The following PLAGL1 variants were observed in gnomAD, a reference collection of about 807,000 sequenced individuals.
PLAGL1 encodes zinc finger protein PLAGL1.
PLAGL1 carries 1 observed loss-of-function variant against 4.6 expected under a neutral mutation model. The observed-to-expected ratio is 0.22, with a 90% CI of 0.08 to 1.03. PLAGL1 has a LOEUF of 1.03. Ranked by LOEUF, PLAGL1 falls within the 50% of genes least tolerant of loss-of-function variation. The probability of loss-of-function intolerance (pLI) is 0.58; values close to 1 mark genes in which losing one functional copy is unlikely to be tolerated. For missense variants in PLAGL1, 464 were observed against 570.4 expected, an observed-to-expected ratio of 0.81 and a Z score of 1.90; for synonymous variants, 240 against 237.8, an observed-to-expected ratio of 1.01 and a Z score of -0.08.
intron 1 of PLAGL1, among the ~76,000 whole-genome samples, chr6:144,017,992 A>G (rs950575938): frequency 6.6e-6 from 1 of 152,166 alleles, no homozygotes; most frequent in Non-Finnish European, 1.5e-5. Flanking sequence ...CACTGTCCAG[A>G]TCTTGACATC....
rs1204087815 is a variant in PLAGL1 at position 144,055,778 on chromosome 6, A to T, written c.-151+8690T>A. On this transcript the variant is annotated intron_variant, in intron 1 of 3. Coordinates refer to the PLAGL1 transcript ENST00000437412. This position sits in a 1 kb window ranked among gnomAD's most constrained non-coding sequence, Gnocchi z 5.0. The stretch of plus-strand genomic sequence containing the variant: ...AGTGAAAGCTACATTTACATTATTA[A>T]CGATAACAAGTCCTGGAAGAAAGAA... Among the ~76,000 whole-genome samples, 2 of 152,172 alleles carry T rather than the reference A, an allele frequency of 1.3e-5. No homozygotes were observed. Among genetic ancestry groups the T allele is most frequent in the African/African-American group, 4.8e-5 (2 of 41,450 alleles).
chr6:143,944,851 T>C (rs1393700180), intron 7 of PLAGL1, among the ~76,000 whole-genome samples: 2 of 151,682 alleles, frequency 1.3e-5, no homozygotes, highest in East Asian at 1.9e-4. Flanking sequence ...AGTTTGTGCC[T>C]CTCTCTTTTC....
At chr6:144,049,512 G>C (rs1474280439) in intron 1 of PLAGL1, among the ~76,000 whole-genome samples, 1 of 152,186 alleles carries the variant, frequency 6.6e-6, no homozygotes, top group Admixed American at 6.5e-5. Flanking sequence ...TTACAATCAT[G>C]GTGGAAAGCA....
In PLAGL1 at chr6:143,966,043, G is replaced by C. The variant is rs986263565; in HGVS notation, c.-431+115C>G. ...TGTAGAGAGATATTTCCGCATGCTA[G>C]AGGCAGATCCATATTGGTTCCCCAG... On this transcript the variant is annotated intron_variant, in intron 4 of 7. Coordinates refer to ENST00000674357, the MANE Select transcript of PLAGL1 (RefSeq NM_001317162.2). The surrounding 1 kb of genome is among the most constrained non-coding windows in gnomAD (Gnocchi z 6.0). 1 of 152,198 alleles carries C rather than the reference G, an allele frequency of 6.6e-6. No homozygotes were observed. The highest frequency in any genetic ancestry group is 1.5e-5 in the Non-Finnish European group (1 of 68,052). The allele number at this position is 152,198 out of a possible 1,614,324, so 9.4% of individuals were successfully genotyped here. A position where few individuals can be genotyped will look rare whatever the true frequency, so the allele number is the denominator to read the frequency against.
At chr6:144,060,849 C>A (rs1799333708) in intron 1 of PLAGL1, among the ~76,000 whole-genome samples, 1 of 152,320 alleles carries the variant, frequency 6.6e-6, no homozygotes, top group Non-Finnish European at 1.5e-5. Flanking sequence ...TTATTTCTGA[C>A]ACCAGAACTA....
intron 1 of PLAGL1, among the ~76,000 whole-genome samples, chr6:144,041,287 CTCA>C (rs1309782593): frequency 6.6e-6 from 1 of 152,050 alleles, no homozygotes; most frequent in Non-Finnish European, 1.5e-5. Flanking sequence ...CACCTATTAA[CTCA>C]TCATTTACAT....
In PLAGL1 at chr6:144,061,141, A is replaced by C. The variant is rs892359448; in HGVS notation, c.-151+3327T>G. ...AGTAGAAGAGTTGTAACAGACATGC[A>C]TGATTACAGCCTTTGTTCCTTTTCA... On this transcript the variant is annotated intron_variant, in intron 1 of 3. Coordinates refer to the PLAGL1 transcript ENST00000437412. This position sits in a 1 kb window ranked among gnomAD's most constrained non-coding sequence, Gnocchi z 4.4. Among the ~76,000 whole-genome samples, 1 of 152,268 alleles carries C rather than the reference A, an allele frequency of 6.6e-6. No individual in the cohort carries two copies. The highest frequency in any genetic ancestry group is 1.5e-5 in the Non-Finnish European group (1 of 68,046).
Position 143,940,543 on chromosome 6 carries a change from CTTA to C in PLAGL1, c.*878_*880del, listed in dbSNP as rs1231360110. ...GGTGATTACAAACAATACTTAAGAA[CTTA>C]AGCAGCTTGAGTAGTAGTTTAAGCT... is the stretch of plus-strand genomic sequence containing the variant. On this transcript the variant is annotated 3_prime_UTR_variant, in exon 8 of 8. Transcript: ENST00000674357. The C allele has an allele frequency of 6.6e-6, 1 of 152,242 alleles. No homozygotes were observed. Among genetic ancestry groups the C allele is most frequent in the Non-Finnish European group, 1.5e-5 (1 of 67,996 alleles). The allele number at this position is 152,242 out of a possible 1,614,324, so 9.4% of individuals were successfully genotyped here. A position where few individuals can be genotyped will look rare whatever the true frequency, so the allele number is the denominator to read the frequency against.
At chr6:144,030,871 ATCAAATGGTAGATCTACTTTTAGT>A (rs777298336) in intron 1 of PLAGL1, among the ~76,000 whole-genome samples, 65 of 152,344 alleles carry the variant, frequency 4.3e-4, no homozygotes, top group Non-Finnish European at 8.2e-4. Flanking sequence ...GGAATTGCGG[ATCAAATGGTAGATCTACTTTTAGT>A]TCAAATGGTA....
At position 143,982,220 on chromosome 6, in the gene PLAGL1, G is replaced by A. The variant is rs1323047117; in HGVS notation, c.-544+2915C>T. On this transcript the variant is annotated intron_variant, in intron 2 of 7. Coordinates refer to ENST00000674357, the MANE Select transcript of PLAGL1 (RefSeq NM_001317162.2). This position sits in a 1 kb window ranked among gnomAD's most constrained non-coding sequence, Gnocchi z 5.3. The stretch of plus-strand genomic sequence containing the variant: ...TAAGAGATTTAGCAGTGAAAACAGT[G>A]TCAATTTAAAACAGGCTGGTCAGGG... Among the ~76,000 whole-genome samples the A allele has an allele frequency of 6.6e-6, 1 of 152,156 alleles. No individual in the cohort carries two copies. The highest frequency in any genetic ancestry group is 1.5e-5 in the Non-Finnish European group (1 of 68,020).
At position 144,016,515 on chromosome 6, in the gene PLAGL1, T is replaced by A. The variant is rs187530993; in HGVS notation, c.-150-47537A>T. The stretch of plus-strand genomic sequence containing the variant: ...TCAAGGTGACAGTCAGTATTAACCA[T>A]CATAATATGTAAACGACACATGGTC... On this transcript the variant is annotated intron_variant, in intron 1 of 3. Coordinates refer to the PLAGL1 transcript ENST00000437412. The surrounding 1 kb of genome is among the most constrained non-coding windows in gnomAD (Gnocchi z 4.2). Among the ~76,000 whole-genome samples, 13 of 152,308 alleles carry A rather than the reference T, an allele frequency of 8.5e-5. No individual in the cohort carries two copies. The highest frequency in any genetic ancestry group is 7.8e-4 in the Admixed American group (12 of 15,290).
At position 143,948,049 on chromosome 6, in the gene PLAGL1, G is replaced by A. The variant is rs780760124; in HGVS notation, c.88C>T (p.Arg30Trp). 12 of 1,613,430 alleles carry A rather than the reference G, an allele frequency of 7.4e-6. No individual in the cohort carries two copies. The Admixed American group carries it at 8.3e-5, about 11-fold the overall frequency. ...TCAGGCTGCACACACTTGTACGGCCGCTCCCTGGAGTGGGAATAATTGTGA... is the reference window on the plus strand; with the variant it reads ...TCAGGCTGCACACACTTGTACGGCCACTCCCTGGAGTGGGAATAATTGTGA... ...TIHNYSHSRE[R>W]PYKCVQPDCG... The change falls in exon 7 of 8, where the codon CGG (arginine) becomes TGG (tryptophan). Residue 30 changes from arginine (R) to tryptophan (W), a missense_variant. Physicochemically the swap from Arg to Trp is moderately radical, Grantham distance 101. Around this residue, in one of 4 missense-constraint regions of PLAGL1, gnomAD observed 161 missense variants for 196.7 expected, o/e 0.82. Transcript: ENST00000674357. The surrounding 1 kb of genome is among the most constrained non-coding windows in gnomAD (Gnocchi z 6.0).
rs1799558556 is a variant in PLAGL1 at position 144,063,176 on chromosome 6, T to C, written c.-151+1292A>G. ...TTGCAGAACCAAAGAATGAATTTATTTGTTGCAACCTGCACCGGAACTTTG... is the reference window on the plus strand; with the variant it reads ...TTGCAGAACCAAAGAATGAATTTATCTGTTGCAACCTGCACCGGAACTTTG... On this transcript the variant is annotated intron_variant, in intron 1 of 3. Transcript: ENST00000437412. This position sits in a 1 kb window ranked among gnomAD's most constrained non-coding sequence, Gnocchi z 5.7. 6.6e-6 allele frequency among the ~76,000 whole-genome samples: 1 copy of C among 152,228 alleles called. No individual in the cohort carries two copies. The highest frequency in any genetic ancestry group is 2.4e-5 in the African/African-American group (1 of 41,460).
Position 144,048,602 on chromosome 6 carries a change from C to T in PLAGL1, c.-151+15866G>A, listed in dbSNP as rs568845784. ...GCAATGGCTTGAGCTGTATGTTGGC[C>T]CCTTTTAGCTATGGCTGGGACACAG... On this transcript the variant is annotated intron_variant, in intron 1 of 3. Transcript: ENST00000437412. The surrounding 1 kb of genome is among the most constrained non-coding windows in gnomAD (Gnocchi z 4.8). 6.6e-6 allele frequency among the ~76,000 whole-genome samples: 1 copy of T among 152,298 alleles called. No homozygotes were observed. Among genetic ancestry groups the T allele is most frequent in the African/African-American group, 2.4e-5 (1 of 41,558 alleles).
rs1289425405 is a variant in PLAGL1 at position 144,022,432 on chromosome 6, T to C, written c.-151+42036A>G. Among the ~76,000 whole-genome samples the C allele has an allele frequency of 2.0e-5, 3 of 152,226 alleles. No homozygotes were observed. Among genetic ancestry groups the C allele is most frequent in the African/African-American group, 7.2e-5 (3 of 41,460 alleles). Reference sequence around the variant, plus strand: ...CAGAGCAACAATCCATCATTGGTGATGGGAATGCAAAATGGTACAGCCACT... The same window carrying C: ...CAGAGCAACAATCCATCATTGGTGACGGGAATGCAAAATGGTACAGCCACT... On this transcript the variant is annotated intron_variant, in intron 1 of 3. Transcript: ENST00000437412. The surrounding 1 kb of genome is among the most constrained non-coding windows in gnomAD (Gnocchi z 4.2).
intron 2 of PLAGL1, among the ~76,000 whole-genome samples, chr6:143,977,060 C>G (rs1014776481): frequency 1.3e-5 from 2 of 151,066 alleles, no homozygotes; most frequent in East Asian, 3.9e-4. Context: ...GAGCCTGTTA[C>G]AGCAATTTCC....
In PLAGL1 at chr6:143,947,617, T is replaced by C. The variant is rs567165167; in HGVS notation, c.152+368A>G. Among the ~76,000 whole-genome samples, 14 of 152,300 alleles carry C rather than the reference T, an allele frequency of 9.2e-5. No individual in the cohort carries two copies. The highest frequency in any genetic ancestry group is 3.4e-4 in the African/African-American group (14 of 41,566). ...CTTTCATTGTGTCACAGCTTAAAGA[T>C]TGTCCCCATCTGAGAAGCCGTCCCA... On this transcript the variant is annotated intron_variant, in intron 7 of 7. Coordinates refer to ENST00000674357, the MANE Select transcript of PLAGL1 (RefSeq NM_001317162.2). This position sits in a 1 kb window ranked among gnomAD's most constrained non-coding sequence, Gnocchi z 4.3.
chr6:144,037,595 A>C (rs1416650276), intron 1 of PLAGL1: 1 of 152,128 alleles, frequency 6.6e-6, no homozygotes. Flanking sequence ...TCCATTTCTA[A>C]AAAAAACAAA....
At position 143,983,140 on chromosome 6, in the gene PLAGL1, T is replaced by C. The variant is rs1285063880; in HGVS notation, c.-544+1995A>G. Among the ~76,000 whole-genome samples the C allele has an allele frequency of 6.6e-6, 1 of 152,050 alleles. No homozygotes were observed. The highest frequency in any genetic ancestry group is 1.5e-5 in the Non-Finnish European group (1 of 67,994). On this transcript the variant is annotated intron_variant, in intron 2 of 7. Transcript: ENST00000674357. This position sits in a 1 kb window ranked among gnomAD's most constrained non-coding sequence, Gnocchi z 6.6. The stretch of plus-strand genomic sequence containing the variant: ...GTAGTCACATGCAATAGGAAGGCAG[T>C]TGGGAAAGTGTGCAGACTCAGAAGA...
Sources: allele counts gnomAD v4.1 joint callset (sites outside exome capture counted in the v4.1 genomes callset), GRCh38; gene constraint gnomAD v4.1.1; regional missense constraint gnomAD v4.1.1; non-coding constraint Gnocchi (gnomAD v3.1); transcripts MANE v1.5; gene names NCBI Gene and HGNC (gene_info 2026-07-23, HGNC 2026-07-21).